Variants in IGF2BP2 observed in about 807,000 individuals in gnomAD.
IGF2BP2 encodes the protein insulin like growth factor 2 mRNA binding protein 2.
In IGF2BP2, 17 loss-of-function variants were observed where a neutral mutation model predicts 75.8. The observed-to-expected ratio is 0.22, with a 90% CI of 0.15 to 0.34. The LOEUF is 0.34. IGF2BP2 is among the 10% of genes least tolerant of loss of function. IGF2BP2 has a pLI of 1.00. For missense variants in IGF2BP2, 516 were observed against 772.4 expected (o/e 0.67, Z 3.93); for synonymous variants, 288 against 295.6 (o/e 0.97, Z 0.26).
intron 2 of IGF2BP2, among the ~76,000 whole-genome samples, chr3:185,774,338 G>T (rs1300123801): frequency 6.6e-6 from 1 of 152,202 alleles, no homozygotes; most frequent in African/African-American, 2.4e-5. Context: ...GTTCCCGCCT[G>T]TAAGGCCTGC....
intron 2 of IGF2BP2, among the ~76,000 whole-genome samples, chr3:185,794,434 G>A (rs116114948): frequency 0.019 from 1,415 of 72,736 alleles, 397 homozygotes; most frequent in African/African-American, 0.098. Context: ...TTACATCCTC[G>A]CATTACTGAT....
At chr3:185,762,532 CAAAA>C (rs550663727) in intron 2 of IGF2BP2, among the ~76,000 whole-genome samples, 1 of 90,928 alleles carries the variant, frequency 1.1e-5, no homozygotes. Context: ...AGCTCGGTCT[CAAAA>C]AAAAAAAAAA....
chr3:185,805,824 T>A (rs528840003), intron 2 of IGF2BP2, among the ~76,000 whole-genome samples: 1 of 149,172 alleles, frequency 6.7e-6, no homozygotes, highest in Admixed American at 6.8e-5. Flanking sequence ...CAGGCTGGAG[T>A]GCAGTGGCGT....
chr3:185,755,388 G>C (rs1160817935), intron 2 of IGF2BP2, among the ~76,000 whole-genome samples: 3 of 152,248 alleles, frequency 2.0e-5, no homozygotes, highest in Non-Finnish European at 4.4e-5. Context: ...CCCCTGCGTA[G>C]ATTTCAGAGG....
chr3:185,796,438 C>T (rs915579477), intron 2 of IGF2BP2, among the ~76,000 whole-genome samples: 2 of 151,782 alleles, frequency 1.3e-5, no homozygotes, highest in Non-Finnish European at 2.9e-5. Flanking sequence ...TGGCATACGC[C>T]TGTAATCCCA....
rs909854275 is a variant in IGF2BP2, at chr3:185,666,657, T to A, written c.1200+5884A>T. On this transcript the variant is annotated intron_variant, in intron 10 of 15. Transcript: ENST00000382199. The stretch of plus-strand genomic sequence containing the variant: ...AAATAAATAAATAAATAAATATTTT[T>A]AAAAAAAGAAATTGAGAGAAATAAC... 7.9e-5 allele frequency among the ~76,000 whole-genome samples: 12 copies of A among 151,946 alleles called. No individual in the cohort carries two copies. The South Asian group carries it at 1.5e-3, about 18-fold the overall frequency.
intron 7 of IGF2BP2, among the ~76,000 whole-genome samples, chr3:185,676,747 T>G (rs1719422357): frequency 7.9e-6 from 1 of 127,218 alleles, no homozygotes; most frequent in Non-Finnish European, 1.6e-5. Context: ...TATATATATA[T>G]TTACTGGAGA....
At chr3:185,675,670 G>A (rs1719223981) in intron 8 of IGF2BP2, 121 bp downstream of exon 8, 1 of 1,276,244 alleles carries the variant, frequency 7.8e-7, no homozygotes, top group African/African-American at 1.5e-5. Context: ...AGATGATGGA[G>A]ATAATTGCAT....
intron 2 of IGF2BP2, among the ~76,000 whole-genome samples, chr3:185,799,751 C>CA (rs553267954): frequency 0.016 from 1,765 of 109,826 alleles, 8 homozygotes; most frequent in Middle Eastern, 0.025. Context: ...GACTCCGTCT[C>CA]AAAAAAAAAA....
chr3:185,735,343 G>T (rs866284720), intron 2 of IGF2BP2, among the ~76,000 whole-genome samples: 21 of 152,024 alleles, frequency 1.4e-4, no homozygotes, highest in Admixed American at 1.2e-3. Flanking sequence ...ATGGGGTTTC[G>T]CTGTGTTGGC....
At chr3:185,656,862 T>C (rs1413506074) in intron 12 of IGF2BP2, among the ~76,000 whole-genome samples, 1 of 152,234 alleles carries the variant, frequency 6.6e-6, no homozygotes, top group Non-Finnish European at 1.5e-5. Flanking sequence ...GATTTTATCA[T>C]TGCTTTTCAA....
At chr3:185,688,499 C>T (rs917828775) in intron 6 of IGF2BP2, among the ~76,000 whole-genome samples, 31 of 152,158 alleles carry the variant, frequency 2.0e-4, no homozygotes, top group African/African-American at 7.2e-4. Flanking sequence ...TGAGCCACCA[C>T]AACTGGCTGA....
chr3:185,696,461 A>ATGTATCT, intron 4 of IGF2BP2, 151 bp downstream of exon 4: 1 of 656,510 alleles, frequency 1.5e-6, no homozygotes, highest in Non-Finnish European at 2.6e-6. Flanking sequence ...TCTATGTAAG[A>ATGTATCT]TACATCTTAC....
intron 7 of IGF2BP2, among the ~76,000 whole-genome samples, chr3:185,677,062 TATATATAGAGAG>T (rs1253601909): frequency 1.2e-4 from 6 of 50,352 alleles, no homozygotes; most frequent in South Asian, 5.9e-4. Context: ...TATATATATA[TATATATAGAGAG>T]AGAGAGAGAG....
intron 2 of IGF2BP2, among the ~76,000 whole-genome samples, chr3:185,821,445 A>G (rs1578420978): frequency 6.6e-6 from 1 of 152,222 alleles, no homozygotes; most frequent in East Asian, 1.9e-4. Context: ...GAACAAAATT[A>G]CTTAAATGAC....
intron 2 of IGF2BP2, among the ~76,000 whole-genome samples, chr3:185,730,727 G>C (rs1037422955): frequency 1.3e-5 from 2 of 151,990 alleles, no homozygotes; most frequent in Non-Finnish European, 2.9e-5. Context: ...TTTATACAAT[G>C]GTTCCCTTTG....
chr3:185,654,756 C>A (rs1288010257), intron 12 of IGF2BP2, among the ~76,000 whole-genome samples: 1 of 152,170 alleles, frequency 6.6e-6, no homozygotes, highest in Non-Finnish European at 1.5e-5. Context: ...GTAAGCAGGG[C>A]TGGAGTCAGG....
At chr3:185,808,707 A>G (rs1739383699) in intron 2 of IGF2BP2, among the ~76,000 whole-genome samples, 1 of 146,348 alleles carries the variant, frequency 6.8e-6, no homozygotes, top group Non-Finnish European at 1.5e-5. Context: ...CCACAGGTGC[A>G]TGCCACCACA....
At chr3:185,665,494 GAGGAGGAGA>G (rs55759205) in intron 10 of IGF2BP2, among the ~76,000 whole-genome samples, 26,211 of 71,908 alleles carry the variant, frequency 0.36, 6,037 homozygotes, top group African/African-American at 0.52. Flanking sequence ...GGAGGAGAAG[GAGGAGGAGA>G]AGGAGGAGGA....
Sources: allele counts gnomAD v4.1 joint callset (sites outside exome capture counted in the v4.1 genomes callset), GRCh38; gene constraint gnomAD v4.1.1; transcripts MANE v1.5; gene names NCBI Gene and HGNC (gene_info 2026-07-23, HGNC 2026-07-21).